RAB11B: variants seen among roughly 807,000 people sequenced by gnomAD.
RAB11B encodes the protein ras-related protein Rab-11B.
In RAB11B, 7 loss-of-function variants were observed where a neutral mutation model predicts 23.7. The ratio of observed to expected loss-of-function variants is 0.29; its 90% CI spans 0.17 to 0.55. RAB11B has a LOEUF of 0.55. RAB11B is among the 20% of genes least tolerant of loss of function. The pLI, the probability that RAB11B is intolerant of heterozygous loss-of-function variation, is 0.93. For synonymous variants in RAB11B, 138 were observed against 132.0 expected, an observed-to-expected ratio of 1.05 and a Z score of -0.31; for missense variants, 189 against 320.0, an observed-to-expected ratio of 0.59 and a Z score of 3.12.
At position 8,403,730 on chromosome 19, in the gene RAB11B, G is replaced by T. The variant is rs1483489530; in HGVS notation, c.*172G>T. 8 of 936,672 alleles carry T rather than the reference G, an allele frequency of 8.5e-6. No homozygotes were observed. The East Asian group carries it at 1.8e-4, about 21-fold the overall frequency. 58.0% of individuals were successfully genotyped at this position (936,672 alleles called of 1,614,324 possible). A position where few individuals can be genotyped will look rare whatever the true frequency, so the allele number is the denominator to read the frequency against. On this transcript the variant is annotated 3_prime_UTR_variant, in exon 5 of 5. Coordinates refer to ENST00000328024, the MANE Select transcript of RAB11B (RefSeq NM_004218.4). ...ACAGGAGCCAGTGCTACCCCGTCCT[G>T]CCCGGGGAAAAGCTAGAAGCCCCGG...
chr19:8,391,719 C>T (rs966279761), intron 1 of RAB11B, among the ~76,000 whole-genome samples: 2 of 152,192 alleles, frequency 1.3e-5, no homozygotes, highest in Admixed American at 6.5e-5. Context: ...CTCGCTGAGC[C>T]GTTCCTCCGA....
At position 8,403,724 on chromosome 19, in the gene RAB11B, C is replaced by T. The variant is rs1042637835; in HGVS notation, c.*166C>T. On this transcript the variant is annotated 3_prime_UTR_variant, in exon 5 of 5. Coordinates refer to ENST00000328024, the MANE Select transcript of RAB11B (RefSeq NM_004218.4). ...GGAAGGACAGGAGCCAGTGCTACCC[C>T]GTCCTGCCCGGGGAAAAGCTAGAAG... 7.2e-6 allele frequency: 7 copies of T among 974,510 alleles called. No individual in the cohort carries two copies. Among genetic ancestry groups the T allele is most frequent in the Admixed American group, 3.3e-5 (1 of 30,426 alleles). The allele number at this position is 974,510 out of a possible 1,614,324, so 60.4% of individuals were successfully genotyped here. A position where few individuals can be genotyped will look rare whatever the true frequency, so the allele number is the denominator to read the frequency against.
chr19:8,400,307 G>A (rs895955925), intron 2 of RAB11B: 34 of 546,842 alleles, frequency 6.2e-5, no homozygotes, highest in South Asian at 3.4e-4. Flanking sequence ...AGGCCACTCC[G>A]CCTTGCCGCT....
chr19:8,391,395 G>A (rs1048850609), intron 1 of RAB11B, among the ~76,000 whole-genome samples: 1 of 152,230 alleles, frequency 6.6e-6, no homozygotes, highest in Non-Finnish European at 1.5e-5. Context: ...ACTGATGGCC[G>A]GGGCCCCAGC....
rs575918058 is a variant in RAB11B at position 8,402,874 on chromosome 19, G to C, written c.511+309G>C. On this transcript the variant is annotated intron_variant, in intron 4 of 4. Transcript: ENST00000328024. ...GACAGGATTTCACAATGTTGTCCAG[G>C]TTGATCTCGAACTCCTGGGCTCAAG... is the stretch of plus-strand genomic sequence containing the variant. The C allele has an allele frequency of 1.2e-4, 64 of 519,722 alleles. 1 individual carries two copies. The East Asian group carries it at 2.1e-3, about 17-fold the overall frequency. The allele number at this position is 519,722 out of a possible 1,614,324, so 32.2% of individuals were successfully genotyped here. A position where few individuals can be genotyped will look rare whatever the true frequency, so the allele number is the denominator to read the frequency against.
At chr19:8,398,076 C>T (rs1241455256) in intron 1 of RAB11B, among the ~76,000 whole-genome samples, 16 of 152,146 alleles carry the variant, frequency 1.1e-4, no homozygotes, top group Admixed American at 7.2e-4. Context: ...GGACAGCTCA[C>T]CCAGACCCCA....
intron 1 of RAB11B, among the ~76,000 whole-genome samples, chr19:8,394,803 G>A (rs1378251814): frequency 3.3e-5 from 5 of 152,170 alleles, no homozygotes; most frequent in African/African-American, 7.2e-5. Flanking sequence ...CGTGGTGCAC[G>A]CCTATAATCC....
At chr19:8,395,399 C>CCACTA (rs1265400964) in intron 1 of RAB11B, among the ~76,000 whole-genome samples, 1 of 151,950 alleles carries the variant, frequency 6.6e-6, no homozygotes, top group Non-Finnish European at 1.5e-5. Context: ...TCAGCCTCCA[C>CCACTA]CACCACACCC....
In RAB11B at chr19:8,390,395, TC is replaced by T. The variant is rs1599682968; in HGVS notation, c.-19del. 4 of 1,529,020 alleles carry T rather than the reference TC, an allele frequency of 2.6e-6. No homozygotes were observed. The East Asian group carries it at 1.1e-4, about 41-fold the overall frequency. The allele number at this position is 1,529,020 out of a possible 1,614,324, so 94.7% of individuals were successfully genotyped here. ...TGTGGTGGGGCTGCGGAGTCGCCGA[TC>T]CCGCCGGAAGCGCCAGGACAATGGG... is the stretch of plus-strand genomic sequence containing the variant. On this transcript the variant is annotated 5_prime_UTR_variant, in exon 1 of 5. Coordinates refer to ENST00000328024, the MANE Select transcript of RAB11B (RefSeq NM_004218.4).
rs542132772 is a variant in RAB11B, at chr19:8,404,325, C to G, written c.*767C>G. On this transcript the variant is annotated 3_prime_UTR_variant, in exon 5 of 5. Coordinates refer to ENST00000328024, the MANE Select transcript of RAB11B (RefSeq NM_004218.4). ...CTTTATACACTTTGTAAGATTTACG[C>G]CAAACCCCAGCTCTCGATCTCTTCT... is the stretch of plus-strand genomic sequence containing the variant. 2 of 152,336 alleles carry G rather than the reference C, an allele frequency of 1.3e-5. No individual in the cohort carries two copies. Among genetic ancestry groups the G allele is most frequent in the African/African-American group, 4.8e-5 (2 of 41,532 alleles). The allele number at this position is 152,336 out of a possible 1,614,324, so 9.4% of individuals were successfully genotyped here. A position where few individuals can be genotyped will look rare whatever the true frequency, so the allele number is the denominator to read the frequency against.
intron 1 of RAB11B, among the ~76,000 whole-genome samples, chr19:8,395,336 C>T (rs1412548574): frequency 2.0e-5 from 3 of 148,464 alleles, no homozygotes; most frequent in African/African-American, 7.5e-5. Context: ...TGCAGTGGCA[C>T]GATCCCGGCT....
chr19:8,396,849 G>A lies in RAB11B; in HGVS notation c.41-3014G>A, dbSNP rs1971401271. On this transcript the variant is annotated intron_variant, in intron 1 of 4. Coordinates refer to ENST00000328024, the MANE Select transcript of RAB11B (RefSeq NM_004218.4). This position sits in a 1 kb window ranked among gnomAD's most constrained non-coding sequence, Gnocchi z 5.0. ...GTGCCCTGGCTCGGCACTCACGGGC[G>A]CTCTCTGGTGGCTGCTGCAGGAGGA... Among the ~76,000 whole-genome samples, 3 of 152,142 alleles carry A rather than the reference G, an allele frequency of 2.0e-5. No homozygotes were observed. The highest frequency in any genetic ancestry group is 4.1e-4 in the South Asian group (2 of 4,830).
intron 1 of RAB11B, 52 bp from the exon 2 acceptor site, chr19:8,399,811 G>A (rs935142249): frequency 3.8e-6 from 6 of 1,579,102 alleles, no homozygotes; most frequent in Non-Finnish European, 5.2e-6. Context: ...AGGTTGTGGG[G>A]GCAGTCGTGG....
chr19:8,404,305 T>C lies in RAB11B; in HGVS notation c.*747T>C, dbSNP rs1361505018. On this transcript the variant is annotated 3_prime_UTR_variant, in exon 5 of 5. Coordinates refer to ENST00000328024, the MANE Select transcript of RAB11B (RefSeq NM_004218.4). ...AATGTAGAGAAACACAGATTCTTTA[T>C]ACACTTTGTAAGATTTACGCCAAAC... 6.6e-6 allele frequency: 1 copy of C among 152,242 alleles called. No homozygotes were observed. The highest frequency in any genetic ancestry group is 6.5e-5 in the Admixed American group (1 of 15,276). The allele number at this position is 152,242 out of a possible 1,614,324, so 9.4% of individuals were successfully genotyped here. A position where few individuals can be genotyped will look rare whatever the true frequency, so the allele number is the denominator to read the frequency against.
intron 1 of RAB11B, among the ~76,000 whole-genome samples, chr19:8,393,940 T>C (rs1971377621): frequency 6.6e-6 from 1 of 152,218 alleles, no homozygotes; most frequent in Non-Finnish European, 1.5e-5. Context: ...CCAAGTGGCG[T>C]GTCTGGGGTA....
intron 1 of RAB11B, among the ~76,000 whole-genome samples, chr19:8,397,949 G>C (rs1341438767): frequency 6.6e-6 from 1 of 152,148 alleles, no homozygotes; most frequent in Non-Finnish European, 1.5e-5. Flanking sequence ...CTCAGGTGCC[G>C]GGGCCCAAGG....
At chr19:8,397,014 G>A (rs949643520) in intron 1 of RAB11B, among the ~76,000 whole-genome samples, 12 of 152,186 alleles carry the variant, frequency 7.9e-5, no homozygotes, top group African/African-American at 2.2e-4. Flanking sequence ...GATCTGTTTC[G>A]GATGTGCTGA....
rs552481060 is a variant in RAB11B at position 8,403,539 on chromosome 19, A to G, written c.638A>G (p.Gln213Arg). ...TTDGQKPNKL[Q>R]CCQNL Reference sequence around the variant, plus strand: ...GACGGACAGAAGCCCAACAAGCTGCAGTGCTGCCAGAACCTGTGACCCCTG... The same window carrying G: ...GACGGACAGAAGCCCAACAAGCTGCGGTGCTGCCAGAACCTGTGACCCCTG... The change falls in exon 5 of 5, where the codon CAG (glutamine) becomes CGG (arginine). Residue 213 changes from glutamine to arginine, a missense_variant. Around this residue, in one of 5 missense-constraint regions of RAB11B, gnomAD observed 122 missense variants for 170.8 expected, o/e 0.71. Coordinates refer to ENST00000328024, the MANE Select transcript of RAB11B (RefSeq NM_004218.4). 1 of 1,613,558 alleles carries G rather than the reference A, an allele frequency of 6.2e-7. No individual in the cohort carries two copies. Among genetic ancestry groups the G allele is most frequent in the South Asian group, 1.1e-5 (1 of 91,030 alleles).
chr19:8,402,546 A>C lies in RAB11B; in HGVS notation c.492A>C (p.Ala164=). The C allele has an allele frequency of 1.2e-6, 2 of 1,613,578 alleles. No homozygotes were observed. Among genetic ancestry groups the C allele is most frequent in the Non-Finnish European group, 1.7e-6 (2 of 1,179,432 alleles). ...SALDSTNVEE[A]FKNILTEIYR... is the part of the protein sequence containing the mutation. ...TGGATTCCACTAACGTAGAGGAAGCATTCAAGAACATCCTCACAGGTGGCC... is the reference window on the plus strand; with the variant it reads ...TGGATTCCACTAACGTAGAGGAAGCCTTCAAGAACATCCTCACAGGTGGCC... Residue 164 remains alanine, a synonymous_variant, in exon 4 of 5, where the codon GCA becomes GCC. Coordinates refer to ENST00000328024, the MANE Select transcript of RAB11B (RefSeq NM_004218.4).
Sources: gnomAD v4.1 joint callset for allele counts (sites outside exome capture counted in the v4.1 genomes callset) on GRCh38, gnomAD v4.1.1 for gene constraint, gnomAD v4.1.1 regional missense constraint, Gnocchi (gnomAD v3.1) non-coding constraint, MANE v1.5 for transcripts, NCBI Gene and HGNC (gene_info 2026-07-23, HGNC 2026-07-21) for gene names.